BBS9: variants seen among roughly 807,000 people sequenced by gnomAD.
BBS9 encodes protein PTHB1.
Under a neutral mutation model 117.7 loss-of-function variants are expected in BBS9, and 89 were observed. The ratio of observed to expected loss-of-function variants is 0.76; its 90% CI spans 0.64 to 0.90. BBS9 has a LOEUF of 0.90. Among genes scored for constraint, BBS9 ranks in the 40% least tolerant of loss-of-function variants. BBS9 has a pLI of 0.00. For synonymous variants in BBS9, 379 were observed against 370.9 expected (o/e 1.02, Z -0.25); for missense variants, 982 against 1,042.2 (o/e 0.94, Z 0.80).
rs568699111 is a variant in BBS9 at position 33,178,837 on chromosome 7, C to G, written c.442+1246C>G. Among the ~76,000 whole-genome samples, 217 of 151,682 alleles carry G rather than the reference C, an allele frequency of 1.4e-3. No individual in the cohort carries two copies. In the Middle Eastern group the frequency reaches 0.02, roughly 14 times the overall value. On this transcript the variant is annotated intron_variant, in intron 5 of 22. Coordinates refer to ENST00000242067, the MANE Select transcript of BBS9 (RefSeq NM_198428.3). ...CAAGGAATAATTGAATTTGGGTATA[C>G]CAAGCAGCATCAGGGATATTTTTGG...
intron 19 of BBS9, among the ~76,000 whole-genome samples, chr7:33,441,967 C>G (rs1199745423): frequency 1.3e-5 from 2 of 151,540 alleles, no homozygotes; most frequent in Non-Finnish European, 2.9e-5. Flanking sequence ...TCCTGGCTCA[C>G]TGCAGCCTCC....
intron 13 of BBS9, among the ~76,000 whole-genome samples, chr7:33,350,848 C>G (rs1449516622): frequency 6.6e-6 from 1 of 152,116 alleles, no homozygotes; most frequent in African/African-American, 2.4e-5. Context: ...GGTGTCACCA[C>G]GCCCAGCTAA....
intron 5 of BBS9, among the ~76,000 whole-genome samples, chr7:33,251,814 C>T (rs1189451045): frequency 6.6e-6 from 1 of 152,184 alleles, no homozygotes; most frequent in Non-Finnish European, 1.5e-5. Flanking sequence ...TGGAGCTGGA[C>T]TCAAACCTAG....
rs1815539150 is a variant in BBS9 at position 33,337,118 on chromosome 7, C to T, written c.1198+496C>T. On this transcript the variant is annotated intron_variant, in intron 10 of 22. Coordinates refer to ENST00000242067, the MANE Select transcript of BBS9 (RefSeq NM_198428.3). ...AATTAACCATCCAAATGGTGTGTAG[C>T]TTGCGGTATGCTGATTTCTAATGAC... Among the ~76,000 whole-genome samples the T allele has an allele frequency of 2.0e-5, 3 of 152,194 alleles. No homozygotes were observed. The South Asian group carries it at 6.2e-4, about 32-fold the overall frequency.
chr7:33,330,153 A>G (rs1813722194), intron 9 of BBS9, among the ~76,000 whole-genome samples: 1 of 151,954 alleles, frequency 6.6e-6, no homozygotes, highest in South Asian at 2.1e-4. Flanking sequence ...AGCTGGGACT[A>G]CAGATGCATG....
At chr7:33,143,942 G>T (rs1189530767) in intron 1 of BBS9, among the ~76,000 whole-genome samples, 1 of 151,308 alleles carries the variant, frequency 6.6e-6, no homozygotes, top group Admixed American at 6.6e-5. Flanking sequence ...TGTTTTTGTT[G>T]TTGTTGTTGA....
rs190680378 is a variant in BBS9 at position 33,592,259 on chromosome 7, G to A, written c.2522-12606G>A. The stretch of plus-strand genomic sequence containing the variant: ...TTTACTGGGAGTCTTTCTCTGTGCC[G>A]GGCATTGTGATGAGCCCCATTACAA... On this transcript the variant is annotated intron_variant, in intron 21 of 22. Coordinates refer to ENST00000242067, the MANE Select transcript of BBS9 (RefSeq NM_198428.3). 2.1e-3 allele frequency among the ~76,000 whole-genome samples: 312 copies of A among 152,018 alleles called. 1 individual carries two copies. Among genetic ancestry groups the A allele is most frequent in the African/African-American group, 5.4e-3 (225 of 41,490 alleles).
chr7:33,429,283 T>TAA (rs1167281294), intron 19 of BBS9, among the ~76,000 whole-genome samples: 1 of 142,710 alleles, frequency 7.0e-6, no homozygotes. Flanking sequence ...TGCCTTGAAA[T>TAA]AAAAAAAAAA....
chr7:33,309,150 G>A (rs1054676238), intron 9 of BBS9, among the ~76,000 whole-genome samples: 1 of 152,124 alleles, frequency 6.6e-6, no homozygotes, highest in Non-Finnish European at 1.5e-5. Context: ...CTGGAGTAGG[G>A]GGTCTTTAAA....
chr7:33,182,086 C>CAAACA (rs147523817), intron 5 of BBS9, among the ~76,000 whole-genome samples: 90 of 151,838 alleles, frequency 5.9e-4, no homozygotes, highest in Middle Eastern at 3.4e-3. Flanking sequence ...GACTCCGTCT[C>CAAACA]AAACAAAACA....
At chr7:33,238,296 C>CTT (rs952286390) in intron 5 of BBS9, among the ~76,000 whole-genome samples, 11 of 146,410 alleles carry the variant, frequency 7.5e-5, no homozygotes, top group African/African-American at 2.7e-4. Flanking sequence ...CCTCAAAGGT[C>CTT]TTTTTTTTTT....
chr7:33,238,342 G>C (rs1451838471), intron 5 of BBS9, among the ~76,000 whole-genome samples: 1 of 152,016 alleles, frequency 6.6e-6, no homozygotes, highest in Non-Finnish European at 1.5e-5. Context: ...CCAGGCTGGA[G>C]TGCAATGGCG....
chr7:33,396,740 C>G (rs1302609287), intron 19 of BBS9, among the ~76,000 whole-genome samples: 1 of 152,174 alleles, frequency 6.6e-6, no homozygotes, highest in Non-Finnish European at 1.5e-5. Flanking sequence ...ATCACCCCAC[C>G]TGACTTCAAA....
intron 21 of BBS9, among the ~76,000 whole-genome samples, chr7:33,581,287 T>C (rs2598392): frequency 0.38 from 57,572 of 152,048 alleles, 15,701 homozygotes; most frequent in African/African-American, 0.77. Context: ...TAAGTTCTTC[T>C]CACTGGCGAA....
chr7:33,475,850 A>C (rs1841728314), intron 19 of BBS9, among the ~76,000 whole-genome samples: 1 of 152,318 alleles, frequency 6.6e-6, no homozygotes, highest in South Asian at 2.1e-4. Flanking sequence ...CAATCACATC[A>C]TAATTCCTGA....
intron 9 of BBS9, among the ~76,000 whole-genome samples, chr7:33,298,091 G>A (rs531008312): frequency 6.6e-6 from 1 of 151,852 alleles, no homozygotes; most frequent in African/African-American, 2.4e-5. Flanking sequence ...AGCTATAGAA[G>A]CATCTTAATT....
chr7:33,569,175 G>A (rs545514952), intron 21 of BBS9, among the ~76,000 whole-genome samples: 129 of 152,166 alleles, frequency 8.5e-4, no homozygotes, highest in African/African-American at 3.1e-3. Flanking sequence ...CACTAATCTG[G>A]GTATTTTGAC....
At chr7:33,364,948 C>T (rs533875009) in intron 16 of BBS9, among the ~76,000 whole-genome samples, 8 of 151,834 alleles carry the variant, frequency 5.3e-5, no homozygotes, top group South Asian at 2.1e-4. Context: ...AGGCTGATCT[C>T]GAACTGCTGA....
chr7:33,409,069 T>C (rs1194889457), intron 19 of BBS9, among the ~76,000 whole-genome samples: 1 of 152,160 alleles, frequency 6.6e-6, no homozygotes, highest in Non-Finnish European at 1.5e-5. Flanking sequence ...TTTTGCTTGT[T>C]GATTCGTTTA....
Sources: gnomAD v4.1 joint callset for allele counts (sites outside exome capture counted in the v4.1 genomes callset) on GRCh38, gnomAD v4.1.1 for gene constraint, MANE v1.5 for transcripts, NCBI Gene and HGNC (gene_info 2026-07-23, HGNC 2026-07-21) for gene names.